Variants in RXFP1 observed in about 807,000 individuals in gnomAD.
The protein encoded by RXFP1 is relaxin receptor 1.
Under a neutral mutation model 89.8 loss-of-function variants are expected in RXFP1, and 73 were observed. The ratio of observed to expected loss-of-function variants is 0.81; its 90% CI spans 0.67 to 0.99. The LOEUF (loss-of-function observed/expected upper bound fraction) is 0.99. RXFP1 is among the 50% of genes least tolerant of loss of function. RXFP1 has a pLI of 0.00. For missense variants in RXFP1, 793 were observed against 895.5 expected, an observed-to-expected ratio of 0.89 and a Z score of 1.46; for synonymous variants, 277 against 305.5, an observed-to-expected ratio of 0.91 and a Z score of 0.97.
intron 9 of RXFP1, among the ~76,000 whole-genome samples, chr4:158,626,583 G>A (rs1309975262): frequency 6.6e-6 from 1 of 151,940 alleles, no homozygotes; most frequent in Non-Finnish European, 1.5e-5. Flanking sequence ...ATGCCCGTAT[G>A]CACTCATGAT....
At chr4:158,630,593 G>C (rs1767844766) in intron 11 of RXFP1, among the ~76,000 whole-genome samples, 1 of 152,134 alleles carries the variant, frequency 6.6e-6, no homozygotes, top group African/African-American at 2.4e-5. Context: ...AAAGGGCTTA[G>C]TGCATAACCA....
intron 2 of RXFP1, among the ~76,000 whole-genome samples, chr4:158,578,211 T>A (rs1439332069): frequency 6.6e-6 from 1 of 152,236 alleles, no homozygotes; most frequent in African/African-American, 2.4e-5. Context: ...TTTTATATCA[T>A]TCCCATATAA....
chr4:158,547,009 GT>G (rs1300380928), intron 1 of RXFP1, among the ~76,000 whole-genome samples: 4 of 152,054 alleles, frequency 2.6e-5, no homozygotes, highest in Admixed American at 6.6e-5. Flanking sequence ...GATTGGAATA[GT>G]TTCAGAAGGA....
chr4:158,633,407 A>T lies in RXFP1; in HGVS notation c.902A>T (p.Asp301Val). The change falls in exon 12 of 18, where the codon GAT (aspartate) becomes GTT (valine). Residue 301 changes from aspartate to valine, a missense_variant and splice_region_variant. Transcript: ENST00000307765. ...CATATTTGCAATTATTTCTCCAGGG[A>T]TTTAGGAAGTAATAAGATTGAAAAT... ...FAPLQKLDEL[D>V]LGSNKIENLP... The T allele has an allele frequency of 6.4e-7, 1 of 1,570,520 alleles. No homozygotes were observed. Among genetic ancestry groups the T allele is most frequent in the Non-Finnish European group, 8.7e-7 (1 of 1,142,976 alleles).
At chr4:158,576,220 G>A (rs185192841) in intron 2 of RXFP1, among the ~76,000 whole-genome samples, 1 of 152,226 alleles carries the variant, frequency 6.6e-6, no homozygotes, top group Admixed American at 6.5e-5. Context: ...ATCTCCAAAA[G>A]TAGTCCTGAG....
chr4:158,639,330 A>T lies in RXFP1; in HGVS notation c.1114A>T (p.Ile372Leu). ...MFRPLMNLSH[I>L]YFKKFQYCGY... Reference sequence around the variant, plus strand: ...TAGACCTCTTATGAATCTCTCTCACATGTAAGTAGATATTTTATTGTTTTT... The same window carrying T: ...TAGACCTCTTATGAATCTCTCTCACTTGTAAGTAGATATTTTATTGTTTTT... The change falls in exon 14 of 18, where the codon ATA (isoleucine) becomes TTA (leucine). Residue 372 changes from isoleucine (I) to leucine (L), a missense_variant and splice_region_variant. By Grantham distance (5) the Ile-to-Leu change is conservative. Coordinates refer to ENST00000307765, the MANE Select transcript of RXFP1 (RefSeq NM_021634.4). 1 of 1,462,444 alleles carries T rather than the reference A, an allele frequency of 6.8e-7. No homozygotes were observed. The highest frequency in any genetic ancestry group is 9.6e-7 in the Non-Finnish European group (1 of 1,043,866). 90.6% of individuals were successfully genotyped at this position (1,462,444 alleles called of 1,614,324 possible). A position where few individuals can be genotyped will look rare whatever the true frequency, so the allele number is the denominator to read the frequency against.
chr4:158,541,982 C>T (rs1746760978), intron 1 of RXFP1, among the ~76,000 whole-genome samples: 1 of 148,096 alleles, frequency 6.8e-6, no homozygotes, highest in South Asian at 2.1e-4. Flanking sequence ...TGCAGTGGTG[C>T]GAGCTCAGCT....
intron 1 of RXFP1, among the ~76,000 whole-genome samples, chr4:158,546,894 G>A (rs1255184022): frequency 3.9e-5 from 6 of 152,214 alleles, no homozygotes; most frequent in East Asian, 1.9e-4. Context: ...CATCAAGGAT[G>A]TTGGTCTAAA....
At chr4:158,633,596 TTCACATTGCTGCC>T in intron 12 of RXFP1, 120 bp downstream of exon 12, 1 of 562,528 alleles carries the variant, frequency 1.8e-6, no homozygotes, top group Non-Finnish European at 3.1e-6. Context: ...ATTAGCTACA[TTCACATTGCTGCC>T]CAACCACCAC....
At chr4:158,614,639 A>G (rs908043982) in intron 8 of RXFP1, among the ~76,000 whole-genome samples, 4 of 152,236 alleles carry the variant, frequency 2.6e-5, no homozygotes, top group African/African-American at 9.6e-5. Context: ...GCTTTGGCTT[A>G]AAGGAATGAT....
intron 1 of RXFP1, among the ~76,000 whole-genome samples, chr4:158,531,588 G>A (rs879861148): frequency 1.3e-5 from 2 of 152,170 alleles, no homozygotes; most frequent in Non-Finnish European, 2.9e-5. Flanking sequence ...GTTGACAAAG[G>A]TAATGCCAGC....
At chr4:158,633,614 C>T in intron 12 of RXFP1, 138 bp downstream of exon 12, 1 of 516,370 alleles carries the variant, frequency 1.9e-6, no homozygotes, top group Non-Finnish European at 3.5e-6. Flanking sequence ...GCTGCCCAAC[C>T]ACCACCACCA....
chr4:158,611,165 A>G (rs911969087), intron 6 of RXFP1, among the ~76,000 whole-genome samples: 1 of 152,188 alleles, frequency 6.6e-6, no homozygotes, highest in Admixed American at 6.5e-5. Flanking sequence ...TACTATCCCC[A>G]TTTTAGAGTT....
intron 1 of RXFP1, among the ~76,000 whole-genome samples, chr4:158,548,972 T>C (rs1268285042): frequency 6.6e-6 from 1 of 151,804 alleles, no homozygotes; most frequent in Middle Eastern, 3.4e-3. Flanking sequence ...GCGTTCTCTG[T>C]ATTTCCTGAA....
intron 12 of RXFP1, among the ~76,000 whole-genome samples, chr4:158,637,740 G>A (rs987970161): frequency 3.3e-5 from 5 of 152,042 alleles, no homozygotes; most frequent in African/African-American, 9.7e-5. Flanking sequence ...TTAGTTTTAT[G>A]TAATCCCATT....
chr4:158,648,175 A>T lies in RXFP1; in HGVS notation c.1757-324A>T, dbSNP rs190606146. Among the ~76,000 whole-genome samples the T allele has an allele frequency of 6.9e-3, 1,052 of 151,470 alleles. 5 individuals carry two copies. Among genetic ancestry groups the T allele is most frequent in the Non-Finnish European group, 0.01 (689 of 68,008 alleles). ...AGTGACAGAGCAAGAACCCATCTCT[A>T]AAAAAATTAAAAATAAAACATCACT... is the stretch of plus-strand genomic sequence containing the variant. On this transcript the variant is annotated intron_variant, in intron 16 of 17. Coordinates refer to ENST00000307765, the MANE Select transcript of RXFP1 (RefSeq NM_021634.4).
At chr4:158,561,099 T>C (rs1479443594) in intron 1 of RXFP1, among the ~76,000 whole-genome samples, 1 of 152,242 alleles carries the variant, frequency 6.6e-6, no homozygotes, top group African/African-American at 2.4e-5. Flanking sequence ...TACTTATAAA[T>C]CTTGTAAAAT....
Position 158,605,721 on chromosome 4 carries a change from G to A in RXFP1, c.464+582G>A, listed in dbSNP as rs143009311. Among the ~76,000 whole-genome samples the A allele has an allele frequency of 8.6e-3, 1,315 of 152,158 alleles. 12 individuals are homozygous for A. Among genetic ancestry groups the A allele is most frequent in the African/African-American group, 0.029 (1,224 of 41,506 alleles). ...ACTCTCAAAATCCATACTGGCCCACGGGATGTTTACCTGTTATTTAGGTCT... is the reference window on the plus strand; with the variant it reads ...ACTCTCAAAATCCATACTGGCCCACAGGATGTTTACCTGTTATTTAGGTCT... On this transcript the variant is annotated intron_variant, in intron 5 of 17. Coordinates refer to ENST00000307765, the MANE Select transcript of RXFP1 (RefSeq NM_021634.4).
intron 3 of RXFP1, among the ~76,000 whole-genome samples, chr4:158,595,866 G>C (rs1339341535): frequency 6.6e-6 from 1 of 151,960 alleles, no homozygotes; most frequent in East Asian, 1.9e-4. Flanking sequence ...CTAAAAATTG[G>C]CTGGGCACAG....
Sources: gnomAD v4.1 joint callset for allele counts (sites outside exome capture counted in the v4.1 genomes callset) on GRCh38, gnomAD v4.1.1 for gene constraint, MANE v1.5 for transcripts, NCBI Gene and HGNC (gene_info 2026-07-23, HGNC 2026-07-21) for gene names.